Variants in SOCS5 observed in about 807,000 individuals in gnomAD.
The protein encoded by SOCS5 is suppressor of cytokine signaling 5.
In SOCS5, 32 loss-of-function variants were observed where a neutral mutation model predicts 42.8. That is an observed-to-expected ratio of 0.75 (90% CI 0.56 to 1.01). The LOEUF (loss-of-function observed/expected upper bound fraction) is 1.01, where lower values mean the gene tolerates loss of function less well. Ranked by LOEUF, SOCS5 falls within the 50% of genes least tolerant of loss-of-function variation. The pLI, the probability that SOCS5 is intolerant of heterozygous loss-of-function variation, is 0.00. For missense variants in SOCS5, 627 were observed against 653.0 expected (o/e 0.96, Z 0.43); for synonymous variants, 283 against 229.6 (o/e 1.23, Z -2.10).
At chr2:46,737,156 A>C (rs988897094) in intron 1 of SOCS5, among the ~76,000 whole-genome samples, 2 of 152,206 alleles carry the variant, frequency 1.3e-5, no homozygotes, top group Non-Finnish European at 2.9e-5. Context: ...AACATTATCC[A>C]GGTGTTAAAT....
chr2:46,748,589 A>T (rs940044428), intron 1 of SOCS5, among the ~76,000 whole-genome samples: 1 of 152,180 alleles, frequency 6.6e-6, no homozygotes, highest in Admixed American at 6.5e-5. Context: ...ATTCATTACA[A>T]GTTGTCAAAT....
intron 1 of SOCS5, among the ~76,000 whole-genome samples, chr2:46,716,032 C>G (rs1209994586): frequency 6.6e-6 from 1 of 150,788 alleles, no homozygotes; most frequent in Non-Finnish European, 1.5e-5. Flanking sequence ...TTCAGGGTAA[C>G]TGATTTTTTT....
intron 1 of SOCS5, among the ~76,000 whole-genome samples, chr2:46,712,369 A>G (rs1326449103): frequency 8.6e-6 from 1 of 115,976 alleles, no homozygotes. Flanking sequence ...TTTGAGACAC[A>G]GTCTCGCTCT....
intron 1 of SOCS5, among the ~76,000 whole-genome samples, chr2:46,701,443 A>G (rs548037040): frequency 2.0e-5 from 3 of 152,364 alleles, no homozygotes; most frequent in Admixed American, 6.5e-5. Flanking sequence ...ACCAAGGCCC[A>G]GAGCAGTTGA....
intron 1 of SOCS5, among the ~76,000 whole-genome samples, chr2:46,713,559 T>G (rs1300182561): frequency 6.6e-6 from 1 of 152,150 alleles, no homozygotes; most frequent in African/African-American, 2.4e-5. Flanking sequence ...TCCCCTTGAT[T>G]AATCTAACTT....
Position 46,758,895 on chromosome 2 carries a change from G to C in SOCS5, c.365G>C (p.Gly122Ala), listed in dbSNP as rs774002080. Residue 122 changes from glycine to alanine, a missense_variant, in exon 2 of 2, where the codon GGG (glycine) becomes GCG (alanine). Physicochemically the swap from Gly to Ala is moderately conservative, Grantham distance 60. Transcript: ENST00000394861. Reference sequence around the variant, plus strand: ...TACTCTCGACATGCTCCATGGGGTGGGAAGAAAAAACATTCCTGTTCTACA... The same window carrying C: ...TACTCTCGACATGCTCCATGGGGTGCGAAGAAAAAACATTCCTGTTCTACA... ...DSYSRHAPWG[G>A]KKKHSCSTKT... 5 of 1,613,812 alleles carry C rather than the reference G, an allele frequency of 3.1e-6. No homozygotes were observed. The Admixed American group carries it at 5.0e-5, about 16-fold the overall frequency.
intron 1 of SOCS5, among the ~76,000 whole-genome samples, chr2:46,733,505 C>T (rs373409219): frequency 1.4e-5 from 2 of 143,654 alleles, no homozygotes; most frequent in Non-Finnish European, 3.0e-5. Context: ...TCCAGGAGGT[C>T]GAGGCTGCAG....
At chr2:46,721,932 A>G (rs1453587999) in intron 1 of SOCS5, among the ~76,000 whole-genome samples, 1 of 152,124 alleles carries the variant, frequency 6.6e-6, no homozygotes, top group Non-Finnish European at 1.5e-5. Context: ...TGGATAGATT[A>G]GTATAAATCT....
chr2:46,702,306 G>T (rs995462999), intron 1 of SOCS5, among the ~76,000 whole-genome samples: 6 of 152,106 alleles, frequency 3.9e-5, no homozygotes, highest in African/African-American at 1.4e-4. Flanking sequence ...ATACTCTTTG[G>T]TAAGGGGGTA....
In SOCS5 at chr2:46,721,306, C is replaced by CT. The variant is rs144544194; in HGVS notation, c.-13+21858dup. On this transcript the variant is annotated intron_variant, in intron 1 of 1. Coordinates refer to ENST00000394861, the MANE Select transcript of SOCS5 (RefSeq NM_144949.3). ...TCTAATTATCTCAGATCTGCATTGTCTCCTTTGCCAAGTCTCTGAGGCCCT... is the reference window on the plus strand; with the variant it reads ...TCTAATTATCTCAGATCTGCATTGTCTTCCTTTGCCAAGTCTCTGAGGCCCT... Among the ~76,000 whole-genome samples the CT allele has an allele frequency of 2.7e-4, 41 of 152,234 alleles. 1 individual carries two copies. In the East Asian group the frequency reaches 7.7e-3, roughly 29 times the overall value.
rs185975100 is a variant in SOCS5, at chr2:46,748,425, G to A, written c.-12-10094G>A. Among the ~76,000 whole-genome samples the A allele has an allele frequency of 2.2e-3, 335 of 152,082 alleles. 9 individuals are homozygous for A. Among genetic ancestry groups the A allele is most frequent in the Admixed American group, 0.021 (328 of 15,288 alleles). On this transcript the variant is annotated intron_variant, in intron 1 of 1. Transcript: ENST00000394861. ...TGGTCTCAAACTCCTGGGCTCAAGC[G>A]ATCCTCCTGCCTCAGCCTCCAAAAG...
rs375435039 is a variant in SOCS5, at chr2:46,699,600, C to T, written c.-13+151C>T. Among the ~76,000 whole-genome samples the T allele has an allele frequency of 6.6e-6, 1 of 152,086 alleles. No homozygotes were observed. Among genetic ancestry groups the T allele is most frequent in the African/African-American group, 2.4e-5 (1 of 41,438 alleles). On this transcript the variant is annotated intron_variant, in intron 1 of 1. Transcript: ENST00000394861. The surrounding 1 kb of genome is among the most constrained non-coding windows in gnomAD (Gnocchi z 4.8). Reference sequence around the variant, plus strand: ...GCACCGCGGCGGAGGCAGCGCCGGCCTCTGGCTGGGATGGGCTGGCCGGGA... The same window carrying T: ...GCACCGCGGCGGAGGCAGCGCCGGCTTCTGGCTGGGATGGGCTGGCCGGGA...
intron 1 of SOCS5, among the ~76,000 whole-genome samples, chr2:46,733,665 A>G (rs1328968401): frequency 6.6e-6 from 1 of 152,184 alleles, no homozygotes; most frequent in Non-Finnish European, 1.5e-5. Flanking sequence ...AAGCTATAAC[A>G]TTCTTTCAAG....
At chr2:46,750,461 T>C (rs1210299104) in intron 1 of SOCS5, among the ~76,000 whole-genome samples, 2 of 152,142 alleles carry the variant, frequency 1.3e-5, no homozygotes, top group African/African-American at 4.8e-5. Context: ...CTGTGTCTTC[T>C]TTTTTCTTCT....
intron 1 of SOCS5, among the ~76,000 whole-genome samples, chr2:46,719,876 T>C (rs1166668613): frequency 6.6e-6 from 1 of 152,160 alleles, no homozygotes; most frequent in African/African-American, 2.4e-5. Context: ...CAGTCGCAGA[T>C]CCAGAAACTC....
chr2:46,717,304 A>G (rs576292248), intron 1 of SOCS5, among the ~76,000 whole-genome samples: 1 of 152,090 alleles, frequency 6.6e-6, no homozygotes, highest in Admixed American at 6.6e-5. Context: ...TGGAGCAATC[A>G]CAGGGCTCCC....
chr2:46,757,418 C>T (rs1673753861), intron 1 of SOCS5, among the ~76,000 whole-genome samples: 2 of 152,124 alleles, frequency 1.3e-5, no homozygotes, highest in Admixed American at 6.5e-5. Flanking sequence ...GTATCATACA[C>T]TGCTTTAGAT....
At chr2:46,717,995 C>A (rs1215867972) in intron 1 of SOCS5, among the ~76,000 whole-genome samples, 1 of 152,182 alleles carries the variant, frequency 6.6e-6, no homozygotes, top group East Asian at 1.9e-4. Context: ...AACTTTGTCT[C>A]CACAGCTCCC....
chr2:46,702,722 C>T (rs1239862286), intron 1 of SOCS5, among the ~76,000 whole-genome samples: 1 of 152,154 alleles, frequency 6.6e-6, no homozygotes, highest in Non-Finnish European at 1.5e-5. Context: ...AATTTTATAA[C>T]ATATGGTTCT....
Sources: gnomAD v4.1 joint callset for allele counts (sites outside exome capture counted in the v4.1 genomes callset) on GRCh38, gnomAD v4.1.1 for gene constraint, Gnocchi (gnomAD v3.1) non-coding constraint, MANE v1.5 for transcripts, NCBI Gene and HGNC (gene_info 2026-07-23, HGNC 2026-07-21) for gene names.